Variants in UNC79 observed in about 807,000 individuals in gnomAD.
UNC79 encodes the protein protein unc-79 homolog.
Under a neutral mutation model 283.1 loss-of-function variants are expected in UNC79, and 37 were observed. The observed-to-expected ratio is 0.13, with a 90% CI of 0.10 to 0.17. The LOEUF (loss-of-function observed/expected upper bound fraction) is 0.17, where lower values mean the gene tolerates loss of function less well. Among genes scored for constraint, UNC79 ranks in the 10% least tolerant of loss-of-function variants. The pLI is 1.00. For missense variants in UNC79, 2,272 were observed against 3,211.1 expected (o/e 0.71, Z 7.07); for synonymous variants, 1,107 against 1,200.2 (o/e 0.92, Z 1.61).
intron 5 of UNC79, among the ~76,000 whole-genome samples, chr14:93,488,613 C>A (rs1479403618): frequency 6.6e-6 from 1 of 152,092 alleles, no homozygotes; most frequent in Non-Finnish European, 1.5e-5. Context: ...GGAGTGTCAT[C>A]TTCTGTCTTA....
At chr14:93,375,888 A>G (rs1364539565) in intron 1 of UNC79, among the ~76,000 whole-genome samples, 1 of 152,168 alleles carries the variant, frequency 6.6e-6, no homozygotes, top group East Asian at 1.9e-4. Context: ...AGATCAAACC[A>G]TATCAATGAG....
chr14:93,653,124 A>T (rs1399713767), intron 35 of UNC79, among the ~76,000 whole-genome samples: 1 of 152,026 alleles, frequency 6.6e-6, no homozygotes, highest in East Asian at 1.9e-4. Context: ...TAACTACATC[A>T]AGAAGCATCC....
chr14:93,563,703 A>C (rs1367899940), intron 14 of UNC79, among the ~76,000 whole-genome samples: 1 of 152,152 alleles, frequency 6.6e-6, no homozygotes, highest in Non-Finnish European at 1.5e-5. Flanking sequence ...GGAACAGGAA[A>C]GAAGGAAATA....
intron 35 of UNC79, among the ~76,000 whole-genome samples, chr14:93,652,190 C>T (rs903139090): frequency 2.0e-5 from 3 of 152,138 alleles, no homozygotes; most frequent in Non-Finnish European, 4.4e-5. Flanking sequence ...CTATTAATCG[C>T]AGTAGCTATA....
chr14:93,393,671 A>G (rs1048944042), intron 1 of UNC79, among the ~76,000 whole-genome samples: 5 of 152,188 alleles, frequency 3.3e-5, no homozygotes, highest in African/African-American at 9.6e-5. Context: ...CATTTTCCTT[A>G]GAATATTCTT....
intron 22 of UNC79, among the ~76,000 whole-genome samples, chr14:93,591,809 G>A (rs1463890901): frequency 6.6e-6 from 1 of 152,184 alleles, no homozygotes; most frequent in African/African-American, 2.4e-5. Context: ...AAAAAGACGC[G>A]AGAACTGCGA....
intron 7 of UNC79, among the ~76,000 whole-genome samples, chr14:93,502,206 G>T (rs1245914566): frequency 5.3e-5 from 8 of 152,146 alleles, no homozygotes; most frequent in Non-Finnish European, 8.8e-5. Context: ...CAGGTCAGGA[G>T]ATCGAGACCA....
intron 1 of UNC79, among the ~76,000 whole-genome samples, chr14:93,415,319 A>G (rs1211754232): frequency 3.9e-5 from 6 of 152,312 alleles, no homozygotes; most frequent in East Asian, 3.9e-4. Context: ...GCTGGATTAC[A>G]TGTATTGATT....
intron 1 of UNC79, among the ~76,000 whole-genome samples, chr14:93,391,423 A>G (rs1027288016): frequency 1.3e-5 from 2 of 152,198 alleles, no homozygotes; most frequent in African/African-American, 2.4e-5. Flanking sequence ...GGGTAGGGAA[A>G]GATTTTTTAA....
intron 32 of UNC79, among the ~76,000 whole-genome samples, chr14:93,639,851 T>C (rs2068859387): frequency 6.6e-6 from 1 of 152,222 alleles, no homozygotes. Context: ...AGAAACTCAT[T>C]GTCTGAATCA....
chr14:93,357,145 G>A (rs1467934315), intron 1 of UNC79, among the ~76,000 whole-genome samples: 1 of 152,296 alleles, frequency 6.6e-6, no homozygotes, highest in East Asian at 1.9e-4. Context: ...CTTAGGACGT[G>A]TGTTAATTCA....
Position 93,542,452 on chromosome 14 carries a change from C to A in UNC79, c.1525-14C>A, listed in dbSNP as rs1425883336. ...GATGGAAGCCGAACAAGGTTCTAAT[C>A]TACCTACTTCTAGGTGAGCCTCTGC... On this transcript the variant is annotated splice_polypyrimidine_tract_variant and intron_variant, in intron 13 of 48. Coordinates refer to ENST00000555664, the Ensembl canonical transcript of UNC79. 1 of 1,607,648 alleles carries A rather than the reference C, an allele frequency of 6.2e-7. No homozygotes were observed. Among genetic ancestry groups the A allele is most frequent in the South Asian group, 1.1e-5 (1 of 90,376 alleles).
At chr14:93,589,305 A>T (rs1286914743) in intron 22 of UNC79, among the ~76,000 whole-genome samples, 2 of 152,108 alleles carry the variant, frequency 1.3e-5, no homozygotes, top group Non-Finnish European at 2.9e-5. Flanking sequence ...AGGGATGAGG[A>T]TTCCAGAGTG....
At chr14:93,339,400 C>T (rs575989391) in intron 1 of UNC79, among the ~76,000 whole-genome samples, 2 of 152,190 alleles carry the variant, frequency 1.3e-5, no homozygotes, top group East Asian at 1.9e-4. Context: ...CCCGGGTTCA[C>T]GCCATTCTCC....
At chr14:93,494,106 T>C (rs1409138852) in intron 5 of UNC79, among the ~76,000 whole-genome samples, 2 of 151,660 alleles carry the variant, frequency 1.3e-5, no homozygotes, top group Admixed American at 1.3e-4. Flanking sequence ...GGTTTCACCA[T>C]GTTGGCCAGG....
At chr14:93,678,648 A>C (rs951499976) in intron 41 of UNC79, among the ~76,000 whole-genome samples, 2 of 152,226 alleles carry the variant, frequency 1.3e-5, no homozygotes, top group East Asian at 3.8e-4. Flanking sequence ...AATTCCTAGA[A>C]GTTCTCCCTG....
chr14:93,577,889 TAGTCCATTTCATAGTCCTTTCCAG>T lies in UNC79; in HGVS notation c.2265_2288del (p.His757_Phe764del). ...GCCGACGAGTTCAGCACAATATGCT[TAGTCCATTTCATAGTCCTTTCCAG>T]AGTCCGTTTCGGAGTCCTTTGCGTA... On this transcript the variant is annotated inframe_deletion, in exon 18 of 49. Transcript: ENST00000555664. The T allele has an allele frequency of 6.2e-7, 1 of 1,614,252 alleles. No homozygotes were observed.
intron 1 of UNC79, among the ~76,000 whole-genome samples, chr14:93,433,039 T>G (rs1275451655): frequency 6.6e-6 from 1 of 152,188 alleles, no homozygotes; most frequent in Non-Finnish European, 1.5e-5. Context: ...TGAAACAGAT[T>G]TTTTTCATCT....
intron 11 of UNC79, 108 bp downstream of exon 11, chr14:93,532,686 T>C: frequency 1.5e-6 from 2 of 1,327,614 alleles, no homozygotes; most frequent in Admixed American, 1.9e-5. Flanking sequence ...AGTATATGCA[T>C]GCCATTGTAT....
Sources: gnomAD v4.1 joint callset for allele counts (sites outside exome capture counted in the v4.1 genomes callset) on GRCh38, gnomAD v4.1.1 for gene constraint, MANE v1.5 for transcripts, NCBI Gene and HGNC (gene_info 2026-07-23, HGNC 2026-07-21) for gene names.